The following TRAPPC9 variants were observed in gnomAD, a reference collection of about 807,000 sequenced individuals.
The protein encoded by TRAPPC9 is trafficking protein particle complex subunit 9.
A neutral mutation model predicts 124.0 loss-of-function variants in TRAPPC9; 83 were observed. That is an observed-to-expected ratio of 0.67 (90% CI 0.56 to 0.80). TRAPPC9 has a LOEUF of 0.80. Ranked by LOEUF, TRAPPC9 falls within the 30% of genes least tolerant of loss-of-function variation. The pLI, the probability that TRAPPC9 is intolerant of heterozygous loss-of-function variation, is 0.00. For missense variants in TRAPPC9, 1,302 were observed against 1,508.3 expected (o/e 0.86, Z 2.27); for synonymous variants, 638 against 617.5 (o/e 1.03, Z -0.49).
intron 9 of TRAPPC9, among the ~76,000 whole-genome samples, chr8:140,351,606 T>TA (rs1482590185): frequency 1.3e-5 from 2 of 152,088 alleles, no homozygotes; most frequent in Admixed American, 6.6e-5. Flanking sequence ...TCATCTCTGC[T>TA]AAAAATAAAA....
At chr8:140,162,265 C>T (rs2130895874) in intron 17 of TRAPPC9, among the ~76,000 whole-genome samples, 1 of 152,316 alleles carries the variant, frequency 6.6e-6, no homozygotes. Flanking sequence ...TCCCTGAACT[C>T]ACACTCAGCC....
Position 139,989,211 on chromosome 8 carries a change from G to A in TRAPPC9, c.2700-375C>T, listed in dbSNP as rs7821401. ...GTCTGATCATCTGCAGAGAAACACA[G>A]GCATACAGTGCCATTCAAGGATGCT... On this transcript the variant is annotated intron_variant, in intron 18 of 22. Coordinates refer to ENST00000438773, the MANE Select transcript of TRAPPC9 (RefSeq NM_001160372.4). Among the ~76,000 whole-genome samples, 661 of 152,334 alleles carry A rather than the reference G, an allele frequency of 4.3e-3. 2 individuals carry two copies. The highest frequency in any genetic ancestry group is 0.015 in the African/African-American group (626 of 41,572).
intron 18 of TRAPPC9, among the ~76,000 whole-genome samples, chr8:140,005,453 G>A (rs1406422810): frequency 4.6e-5 from 7 of 152,184 alleles, no homozygotes; most frequent in African/African-American, 1.7e-4. Flanking sequence ...CACTCACAAA[G>A]GCACTGAGTA....
chr8:140,033,688 T>TTG (rs1563707030), intron 17 of TRAPPC9, among the ~76,000 whole-genome samples: 4 of 115,080 alleles, frequency 3.5e-5, no homozygotes, highest in Non-Finnish European at 5.1e-5. Flanking sequence ...TTTTTTTTTT[T>TTG]TTTTTTTTTT....
intron 17 of TRAPPC9, among the ~76,000 whole-genome samples, chr8:140,212,353 A>G (rs1402850167): frequency 6.6e-6 from 1 of 152,218 alleles, no homozygotes; most frequent in Non-Finnish European, 1.5e-5. Context: ...GATGGCATAC[A>G]TAGTTTTCCA....
chr8:140,330,539 C>A (rs1369492428), intron 9 of TRAPPC9, among the ~76,000 whole-genome samples: 2 of 152,076 alleles, frequency 1.3e-5, no homozygotes, highest in Non-Finnish European at 2.9e-5. Flanking sequence ...TCAAGTGCAC[C>A]AAAAGACTGA....
At chr8:140,096,475 A>G (rs1844954836) in intron 17 of TRAPPC9, 1 of 152,230 alleles carries the variant, frequency 6.6e-6, no homozygotes, top group Non-Finnish European at 1.5e-5. Context: ...AATCCAAGTG[A>G]GTGTGAATGG....
intron 21 of TRAPPC9, among the ~76,000 whole-genome samples, chr8:139,765,013 A>G (rs544852913): frequency 1.3e-5 from 2 of 152,212 alleles, no homozygotes; most frequent in South Asian, 4.2e-4. Flanking sequence ...GCCACATAAG[A>G]CAATTCATTC....
Position 140,024,103 on chromosome 8 carries a change from T to TAC in TRAPPC9, c.2557-26_2557-25dup, listed in dbSNP as rs147021256. The TAC allele has an allele frequency of 4.5e-3, 7,230 of 1,594,072 alleles. 144 individuals carry two copies. The African/African-American group carries it at 0.062, about 14-fold the overall frequency. On this transcript the variant is annotated intron_variant, in intron 17 of 22. Transcript: ENST00000438773. ...GTCTAAAAGATATTAAAAAAAAAAA[T>TAC]ACACACACACACATTAGTAACTCTC...
At chr8:140,168,595 G>C (rs535645501) in intron 17 of TRAPPC9, among the ~76,000 whole-genome samples, 25 of 152,348 alleles carry the variant, frequency 1.6e-4, no homozygotes, top group African/African-American at 5.8e-4. Context: ...AGGGCTCTTT[G>C]ATGATTCCTC....
chr8:140,123,166 T>C (rs1321567806), intron 17 of TRAPPC9, among the ~76,000 whole-genome samples: 2 of 151,436 alleles, frequency 1.3e-5, no homozygotes, highest in Non-Finnish European at 2.9e-5. Flanking sequence ...GGCCACACCA[T>C]CCACCTTGTT....
At position 140,435,162 on chromosome 8, in the gene TRAPPC9, C is replaced by G; in HGVS notation, c.809G>C (p.Arg270Thr). The G allele has an allele frequency of 6.2e-7, 1 of 1,614,132 alleles. No homozygotes were observed. The highest frequency in any genetic ancestry group is 1.3e-5 in the African/African-American group (1 of 75,060). The change falls in exon 4 of 23, where the codon AGG becomes ACG. Residue 270 changes from arginine to threonine, a missense_variant. By Grantham distance (71) the Arg-to-Thr change is moderately conservative (BLOSUM62 -1). Around this residue, in one of 3 missense-constraint regions of TRAPPC9, gnomAD observed 657 missense variants for 811.2 expected, o/e 0.81. Coordinates refer to ENST00000438773, the MANE Select transcript of TRAPPC9 (RefSeq NM_001160372.4). ...GGTGGKSGAR[R>T]FQGSTLPAEA... is the part of the protein sequence containing the mutation. ...AGCAGGAAGGGTGCTGCCCTGGAAC[C>G]TCCGAGCTCCACTCTTCCCACCAGT... is the stretch of plus-strand genomic sequence containing the variant.
intron 5 of TRAPPC9, among the ~76,000 whole-genome samples, chr8:140,422,005 A>AG (rs1258185506): frequency 6.6e-6 from 1 of 151,310 alleles, no homozygotes; most frequent in African/African-American, 2.4e-5. Flanking sequence ...AAAAAAAAAA[A>AG]AAACGGGCAA....
chr8:140,237,804 T>G (rs541888211), intron 16 of TRAPPC9, among the ~76,000 whole-genome samples: 34 of 152,006 alleles, frequency 2.2e-4, no homozygotes, highest in African/African-American at 8.0e-4. Flanking sequence ...ATGACTGCGG[T>G]GACAATGTGG....
chr8:139,906,410 C>T (rs1055385455), intron 20 of TRAPPC9, among the ~76,000 whole-genome samples: 32 of 152,228 alleles, frequency 2.1e-4, no homozygotes, highest in African/African-American at 7.2e-4. Context: ...ACTCAGAGGC[C>T]ACCCACAGCC....
chr8:140,313,517 C>T (rs556319101), intron 9 of TRAPPC9, among the ~76,000 whole-genome samples: 29 of 152,300 alleles, frequency 1.9e-4, no homozygotes, highest in African/African-American at 6.7e-4. Flanking sequence ...AGAGAACCCC[C>T]GTGTTTGTGC....
intron 20 of TRAPPC9, among the ~76,000 whole-genome samples, chr8:139,909,811 G>C (rs117827770): frequency 6.6e-6 from 1 of 152,206 alleles, no homozygotes. Context: ...CTGTCAGTCT[G>C]TGAACCCCCT....
chr8:140,116,343 G>A (rs2060888105), intron 17 of TRAPPC9, among the ~76,000 whole-genome samples: 1 of 152,098 alleles, frequency 6.6e-6, no homozygotes, highest in Non-Finnish European at 1.5e-5. Flanking sequence ...TCGGAGGCAG[G>A]AAATTCATAC....
At chr8:139,957,312 G>A (rs1208691612) in intron 19 of TRAPPC9, among the ~76,000 whole-genome samples, 1 of 152,230 alleles carries the variant, frequency 6.6e-6, no homozygotes, top group Admixed American at 6.5e-5. Context: ...GTCCTGGACG[G>A]GGCACGCTAG....
Sources: allele counts gnomAD v4.1 joint callset (sites outside exome capture counted in the v4.1 genomes callset), GRCh38; gene constraint gnomAD v4.1.1; regional missense constraint gnomAD v4.1.1; transcripts MANE v1.5; gene names NCBI Gene and HGNC (gene_info 2026-07-23, HGNC 2026-07-21).